Variants in FOLH1 observed in about 807,000 individuals in gnomAD.
The protein encoded by FOLH1 is folate hydrolase 1.
In FOLH1, 54 loss-of-function variants were observed where a neutral mutation model predicts 93.9. That is an observed-to-expected ratio of 0.57 (90% CI 0.46 to 0.72). The LOEUF is 0.72. Ranked by LOEUF, FOLH1 falls within the 30% of genes least tolerant of loss-of-function variation. FOLH1 has a pLI of 0.00. For synonymous variants in FOLH1, 249 were observed against 303.6 expected (o/e 0.82, Z 1.87); for missense variants, 571 against 892.5 (o/e 0.64, Z 4.59).
chr11:49,150,954 G>T (rs1856447447), intron 17 of FOLH1, among the ~76,000 whole-genome samples: 1 of 152,102 alleles, frequency 6.6e-6, no homozygotes, highest in Non-Finnish European at 1.5e-5. Flanking sequence ...TTACTGTTCT[G>T]AATCTTTATA....
chr11:49,200,053 G>A (rs11603728), intron 3 of FOLH1, among the ~76,000 whole-genome samples: 2,474 of 152,086 alleles, frequency 0.016, 33 homozygotes, highest in Non-Finnish European at 0.024. Flanking sequence ...TTAATTTCTC[G>A]AATCTTTCTA....
chr11:49,190,000 C>T (rs7122398), intron 4 of FOLH1, among the ~76,000 whole-genome samples: 5,127 of 152,234 alleles, frequency 0.034, 124 homozygotes, highest in Non-Finnish European at 0.051. Flanking sequence ...TATTAATGCA[C>T]TATTAATCAT....
rs1701771136 is a variant in FOLH1, at chr11:49,148,637, A to G, written c.2063+2T>C. 1 of 1,577,344 alleles carries G rather than the reference A, an allele frequency of 6.3e-7. No individual in the cohort carries two copies. Among genetic ancestry groups the G allele is most frequent in the Non-Finnish European group, 8.6e-7 (1 of 1,165,062 alleles). The stretch of plus-strand genomic sequence containing the variant: ...GAAAGGAGTCATATTTTCTTTTCTT[A>G]CCTATAAAAAGGCCTGTCTGGTAAC... On this transcript the variant is annotated splice_donor_variant, in intron 18 of 18. Transcript: ENST00000256999. LOFTEE classifies it high-confidence loss of function.
rs1859224538 is a variant in FOLH1, at chr11:49,171,271, C to G, written c.1232G>C (p.Arg411Thr). The G allele has an allele frequency of 1.3e-6, 2 of 1,578,150 alleles. No homozygotes were observed. Among genetic ancestry groups the G allele is most frequent in the Non-Finnish European group, 1.7e-6 (2 of 1,164,480 alleles). The change falls in exon 11 of 19, where the codon AGA becomes ACA. Residue 411 changes from arginine (R) to threonine (T), a missense_variant. Around this residue, in one of 2 missense-constraint regions of FOLH1, gnomAD observed 500 missense variants for 822.9 expected, o/e 0.61. Coordinates refer to ENST00000256999, the MANE Select transcript of FOLH1 (RefSeq NM_004476.3). ...SFGTLKKEGW[R>T]PRRTILFASW... Reference sequence around the variant, plus strand: ...TGCAAACAAAATTGTTCTTCTAGGTCTCCACCCTAAAATGTATGTGTATAT... The same window carrying G: ...TGCAAACAAAATTGTTCTTCTAGGTGTCCACCCTAAAATGTATGTGTATAT...
chr11:49,161,776 A>G (rs975168819), intron 13 of FOLH1, among the ~76,000 whole-genome samples: 18 of 152,306 alleles, frequency 1.2e-4, no homozygotes, highest in South Asian at 2.1e-4. Flanking sequence ...TTTCCTGTCC[A>G]TATTTAGTAC....
At chr11:49,181,016 C>A (rs565870203) in intron 7 of FOLH1, among the ~76,000 whole-genome samples, 22 of 152,082 alleles carry the variant, frequency 1.4e-4, no homozygotes, top group Admixed American at 1.4e-3. Flanking sequence ...CAGACCAAAT[C>A]GTAGACGTCT....
chr11:49,173,589 A>AG (rs1408243792), intron 9 of FOLH1, 113 bp from the exon 10 acceptor site: 1 of 1,157,806 alleles, frequency 8.6e-7, no homozygotes, highest in Non-Finnish European at 1.1e-6. Context: ...AAAAAAAAAA[A>AG]GGCTAGGTTC....
At chr11:49,177,672 G>C (rs1181796466) in intron 7 of FOLH1, among the ~76,000 whole-genome samples, 3 of 152,018 alleles carry the variant, frequency 2.0e-5, no homozygotes, top group African/African-American at 7.3e-5. Flanking sequence ...CTGGAGCCGG[G>C]CGCGGTGGCT....
chr11:49,184,607 C>T (rs1374159275), intron 6 of FOLH1, among the ~76,000 whole-genome samples: 1 of 151,890 alleles, frequency 6.6e-6, no homozygotes, highest in Non-Finnish European at 1.5e-5. Context: ...AGAAAAAAAT[C>T]TCTGACAATG....
In FOLH1 at chr11:49,208,326, C is replaced by A; in HGVS notation, c.84G>T (p.Leu28=). The change falls in exon 1 of 19, where the codon CTG becomes CTT. Residue 28 remains leucine, a synonymous_variant. Transcript: ENST00000256999. The part of the protein sequence containing the change: ...PRWLCAGALV[L]AGGFFLLGFL... ...AGCCGAGGAGAAAGAAGCCACCCGC[C>A]AGCACCAGCGCCCCAGCGCACAGCC... 1 of 1,592,026 alleles carries A rather than the reference C, an allele frequency of 6.3e-7. No homozygotes were observed. Among genetic ancestry groups the A allele is most frequent in the East Asian group, 2.3e-5 (1 of 43,968 alleles).
chr11:49,158,140 C>T, intron 13 of FOLH1, 97 bp from the exon 14 acceptor site: 1 of 1,152,114 alleles, frequency 8.7e-7, no homozygotes, highest in Non-Finnish European at 1.2e-6. Context: ...AGCCACAATT[C>T]AGCAAAAACA....
chr11:49,196,537 A>T (rs564876575), intron 3 of FOLH1, among the ~76,000 whole-genome samples: 2 of 152,326 alleles, frequency 1.3e-5, no homozygotes, highest in African/African-American at 4.8e-5. Flanking sequence ...CTATGAGTAT[A>T]AACATAATAT....
At chr11:49,208,016 C>A in intron 1 of FOLH1, 1 of 654,062 alleles carries the variant, frequency 1.5e-6, no homozygotes, top group South Asian at 1.6e-5. Flanking sequence ...GGCTCCAGCA[C>A]TTGGAACCTT....
chr11:49,196,160 C>CA (rs1429869344), intron 3 of FOLH1, among the ~76,000 whole-genome samples: 19 of 151,734 alleles, frequency 1.3e-4, no homozygotes, highest in African/African-American at 4.4e-4. Context: ...TCAAAAACAA[C>CA]AAAAAAATCT....
At chr11:49,207,954 A>C in intron 1 of FOLH1, 1 of 547,462 alleles carries the variant, frequency 1.8e-6, no homozygotes, top group Non-Finnish European at 3.5e-6. Flanking sequence ...CAAACAAACA[A>C]AACAAAACAA....
At chr11:49,152,779 A>C (rs747345690) in intron 17 of FOLH1, among the ~76,000 whole-genome samples, 11 of 152,130 alleles carry the variant, frequency 7.2e-5, no homozygotes, top group Non-Finnish European at 1.3e-4. Flanking sequence ...AAATGGTCTC[A>C]AATCTGATTG....
At chr11:49,175,132 C>G (rs1379058236) in intron 8 of FOLH1, among the ~76,000 whole-genome samples, 155 bp from the exon 9 acceptor site, 4 of 152,114 alleles carry the variant, frequency 2.6e-5, no homozygotes, top group African/African-American at 9.7e-5. Context: ...TACAAACTTA[C>G]TAACACACCA....
At chr11:49,154,645 T>C (rs1184322162) in intron 15 of FOLH1, among the ~76,000 whole-genome samples, 153 bp from the exon 16 acceptor site, 1 of 152,126 alleles carries the variant, frequency 6.6e-6, no homozygotes, top group African/African-American at 2.4e-5. Flanking sequence ...ATGGCTAATA[T>C]TATGATACAT....
At chr11:49,188,199 T>A (rs537096948) in intron 4 of FOLH1, among the ~76,000 whole-genome samples, 2 of 152,282 alleles carry the variant, frequency 1.3e-5, no homozygotes, top group East Asian at 3.9e-4. Flanking sequence ...CAGATTGTGT[T>A]AAGAAACAGC....
Sources: gnomAD v4.1 joint callset for allele counts (sites outside exome capture counted in the v4.1 genomes callset) on GRCh38, gnomAD v4.1.1 for gene constraint, gnomAD v4.1.1 regional missense constraint, MANE v1.5 for transcripts, NCBI Gene and HGNC (gene_info 2026-07-23, HGNC 2026-07-21) for gene names.